Variants in GRIK2 observed in about 807,000 individuals in gnomAD.
GRIK2 encodes the protein glutamate ionotropic receptor kainate type subunit 2.
Under a neutral mutation model 100.3 loss-of-function variants are expected in GRIK2, and 32 were observed. The ratio of observed to expected loss-of-function variants is 0.32; its 90% confidence interval spans 0.24 to 0.43. The LOEUF is 0.43. Among genes scored for constraint, GRIK2 ranks in the 20% least tolerant of loss-of-function variants. The pLI is 1.00. For missense variants in GRIK2, 843 were observed against 1,114.9 expected, an observed-to-expected ratio of 0.76 and a Z score of 3.47; for synonymous variants, 417 against 389.4, an observed-to-expected ratio of 1.07 and a Z score of -0.83.
At chr6:102,036,087 C>A (rs1384272398) in intron 15 of GRIK2, among the ~76,000 whole-genome samples, 1 of 151,086 alleles carries the variant, frequency 6.6e-6, no homozygotes, top group Non-Finnish European at 1.5e-5. Flanking sequence ...TTTTTAACAT[C>A]CCCCTTCTTT....
chr6:101,954,519 T>G (rs1791793922), intron 14 of GRIK2, among the ~76,000 whole-genome samples: 1 of 152,148 alleles, frequency 6.6e-6, no homozygotes, highest in African/African-American at 2.4e-5. Context: ...AGTTCAATTT[T>G]ATATATAGAA....
intron 2 of GRIK2, among the ~76,000 whole-genome samples, chr6:101,602,611 C>T (rs982679386): frequency 1.3e-5 from 2 of 151,370 alleles, no homozygotes; most frequent in African/African-American, 4.8e-5. Flanking sequence ...TATCTCCCTA[C>T]ACTTTACAAA....
chr6:101,676,903 A>G lies in GRIK2; in HGVS notation c.723+99A>G, dbSNP rs1330490738. On this transcript the variant is annotated intron_variant, in intron 5 of 16. Coordinates refer to ENST00000369134, the MANE Select transcript of GRIK2 (RefSeq NM_021956.5). ...AAATATTATTGTTATGCAATCAGTT[A>G]TAATAACCTTGATGTAATTTTATGA... 6 of 659,434 alleles carry G rather than the reference A, an allele frequency of 9.1e-6. No individual in the cohort carries two copies. The Admixed American group carries it at 1.4e-4, about 15-fold the overall frequency. The allele number at this position is 659,434 out of a possible 1,614,324, so 40.8% of individuals were successfully genotyped here.
At chr6:101,396,248 C>A (rs1435554890) in intron 1 of GRIK2, among the ~76,000 whole-genome samples, 1 of 149,150 alleles carries the variant, frequency 6.7e-6, no homozygotes, top group Admixed American at 6.7e-5. Context: ...GCATTCCCCC[C>A]CCCCCCAGGA....
chr6:101,842,116 C>T (rs967184675), intron 10 of GRIK2, among the ~76,000 whole-genome samples: 59 of 152,226 alleles, frequency 3.9e-4, no homozygotes, highest in African/African-American at 1.4e-3. Context: ...AGTGAGTGAT[C>T]GTTTTTAACG....
intron 14 of GRIK2, among the ~76,000 whole-genome samples, chr6:101,952,452 A>G (rs192586428): frequency 6.6e-6 from 1 of 152,150 alleles, no homozygotes; most frequent in Admixed American, 6.5e-5. Context: ...CAAGTGTGCA[A>G]TTGCAGAGTT....
Position 101,449,422 on chromosome 6 carries a change from T to C in GRIK2, c.115+50030T>C, listed in dbSNP as rs140739645. Among the ~76,000 whole-genome samples, 540 of 151,812 alleles carry C rather than the reference T, an allele frequency of 3.6e-3. 1 individual carries two copies. The highest frequency in any genetic ancestry group is 6.4e-3 in the Non-Finnish European group (434 of 67,728). On this transcript the variant is annotated intron_variant, in intron 2 of 16. Coordinates refer to ENST00000369134, the MANE Select transcript of GRIK2 (RefSeq NM_021956.5). ...GTGAAGCACTCAGCAGTATGTATAA[T>C]GTAGGCTGAGGCACCTGTAACAAAA...
At chr6:101,863,227 T>C (rs535824521) in intron 11 of GRIK2, among the ~76,000 whole-genome samples, 1 of 152,340 alleles carries the variant, frequency 6.6e-6, no homozygotes, top group East Asian at 1.9e-4. Context: ...TAATCAGCAA[T>C]GTTATCTCAA....
intron 2 of GRIK2, among the ~76,000 whole-genome samples, chr6:101,510,955 A>C (rs1774284838): frequency 6.6e-6 from 1 of 152,230 alleles, no homozygotes; most frequent in African/African-American, 2.4e-5. Context: ...CCAAAAGATG[A>C]GATGTTATGC....
chr6:101,568,411 T>G (rs1429732609), intron 2 of GRIK2, among the ~76,000 whole-genome samples: 1 of 152,016 alleles, frequency 6.6e-6, no homozygotes, highest in Non-Finnish European at 1.5e-5. Flanking sequence ...GAAATGCAGA[T>G]TCAATCAAGT....
intron 4 of GRIK2, among the ~76,000 whole-genome samples, chr6:101,638,336 A>G (rs1007847618): frequency 1.3e-5 from 2 of 151,734 alleles, no homozygotes; most frequent in Non-Finnish European, 2.9e-5. Context: ...GATAAACAAT[A>G]ACAAAATAAA....
At chr6:101,770,144 C>A (rs1778306549) in intron 7 of GRIK2, among the ~76,000 whole-genome samples, 1 of 152,132 alleles carries the variant, frequency 6.6e-6, no homozygotes. Context: ...GATTTTGACA[C>A]CTTTCACAAG....
chr6:102,062,402 T>C lies in GRIK2; in HGVS notation c.2563-5945T>C, dbSNP rs554303167. On this transcript the variant is annotated intron_variant, in intron 16 of 16. Coordinates refer to ENST00000369134, the MANE Select transcript of GRIK2 (RefSeq NM_021956.5). The stretch of plus-strand genomic sequence containing the variant: ...AAGGCAGGCTAATATGATAAAGCTT[T>C]CATAGATGGAAGTTAAGATAATAGA... Among the ~76,000 whole-genome samples the C allele has an allele frequency of 6.6e-5, 10 of 150,540 alleles. No individual in the cohort carries two copies. In the South Asian group the frequency reaches 1.9e-3, roughly 28 times the overall value.
intron 10 of GRIK2, among the ~76,000 whole-genome samples, chr6:101,837,315 C>G (rs535204785): frequency 1.3e-5 from 2 of 152,212 alleles, no homozygotes; most frequent in East Asian, 3.9e-4. Context: ...TTCTGGAGAT[C>G]TAAGCTACAA....
intron 2 of GRIK2, among the ~76,000 whole-genome samples, chr6:101,578,965 A>G (rs1046122208): frequency 6.6e-6 from 1 of 152,220 alleles, no homozygotes; most frequent in African/African-American, 2.4e-5. Flanking sequence ...GACTGCAGGC[A>G]TTTAACTTCT....
At chr6:101,514,890 GTTTTC>G (rs1774505053) in intron 2 of GRIK2, among the ~76,000 whole-genome samples, 1 of 152,034 alleles carries the variant, frequency 6.6e-6, no homozygotes, top group Admixed American at 6.6e-5. Flanking sequence ...AACAGAGGAT[GTTTTC>G]TTTTTATTTT....
chr6:101,901,443 C>A (rs1787840721), intron 12 of GRIK2, among the ~76,000 whole-genome samples: 7 of 151,736 alleles, frequency 4.6e-5, no homozygotes. Context: ...AATATTATGA[C>A]TTTTCTTCAG....
chr6:102,038,996 T>C (rs1770427883), intron 15 of GRIK2, among the ~76,000 whole-genome samples: 1 of 151,408 alleles, frequency 6.6e-6, no homozygotes, highest in African/African-American at 2.4e-5. Context: ...ATGAGTCTTT[T>C]TGAGTGGGAA....
At chr6:101,777,810 A>C (rs1421109564) in intron 7 of GRIK2, among the ~76,000 whole-genome samples, 6 of 152,170 alleles carry the variant, frequency 3.9e-5, no homozygotes, top group Non-Finnish European at 5.9e-5. Flanking sequence ...ACCTGCCTGC[A>C]CTTACTTAAT....
Sources: allele counts gnomAD v4.1 joint callset (sites outside exome capture counted in the v4.1 genomes callset), GRCh38; gene constraint gnomAD v4.1.1; transcripts MANE v1.5; gene names NCBI Gene and HGNC (gene_info 2026-07-23, HGNC 2026-07-21).